The following JMJD1C variants were observed in gnomAD, a reference collection of about 807,000 sequenced individuals.
The protein encoded by JMJD1C is jumonji domain containing 1C.
Under a neutral mutation model 245.3 loss-of-function variants are expected in JMJD1C, and 31 were observed. That is an observed-to-expected ratio of 0.13 (90% CI 0.09 to 0.17). The LOEUF (loss-of-function observed/expected upper bound fraction) is 0.17, where lower values mean the gene tolerates loss of function less well. Among genes scored for constraint, JMJD1C ranks in the 10% least tolerant of loss-of-function variants. The pLI is 1.00. For missense variants in JMJD1C, 2,691 were observed against 3,000.2 expected (o/e 0.90, Z 2.41); for synonymous variants, 1,057 against 1,017.4 (o/e 1.04, Z -0.74).
chr10:63,456,496 T>C (rs1263062802), intron 1 of JMJD1C, among the ~76,000 whole-genome samples: 2 of 152,164 alleles, frequency 1.3e-5, no homozygotes, highest in East Asian at 1.9e-4. Flanking sequence ...AACATTAACA[T>C]ACTGCTTCCT....
intron 1 of JMJD1C, chr10:63,382,933 T>C (rs1401217585): frequency 8.8e-6 from 4 of 452,704 alleles, no homozygotes; most frequent in African/African-American, 2.0e-5. Context: ...ATTACTTTTT[T>C]TATAGCTTAC....
chr10:63,500,746 A>ATGGAAGGATGGATGGAT (rs1954524044), intron 1 of JMJD1C, among the ~76,000 whole-genome samples: 2 of 112,068 alleles, frequency 1.8e-5, no homozygotes, highest in Admixed American at 1.7e-4. Flanking sequence ...GATGGATGGA[A>ATGGAAGGATGGATGGAT]GGATGGATGG....
At chr10:63,249,444 ACAATT>A (rs1375382170) in intron 3 of JMJD1C, among the ~76,000 whole-genome samples, 2 of 152,238 alleles carry the variant, frequency 1.3e-5, no homozygotes, top group African/African-American at 4.8e-5. Flanking sequence ...ATATAAATAT[ACAATT>A]CAACAGAATA....
chr10:63,275,741 A>T (rs1856715523), intron 2 of JMJD1C, among the ~76,000 whole-genome samples: 1 of 152,210 alleles, frequency 6.6e-6, no homozygotes. Context: ...AAAATTTGTA[A>T]AATAAATGCA....
At chr10:63,461,694 G>T (rs781081444) in intron 1 of JMJD1C, among the ~76,000 whole-genome samples, 1 of 151,856 alleles carries the variant, frequency 6.6e-6, no homozygotes, top group Non-Finnish European at 1.5e-5. Flanking sequence ...ATTTTTTATT[G>T]TCCTTTTCTC....
chr10:63,465,664 G>C lies in JMJD1C; in HGVS notation c.-2C>G, dbSNP rs1953200179. 2.5e-6 allele frequency: 4 copies of C among 1,608,026 alleles called. No homozygotes were observed. Among genetic ancestry groups the C allele is most frequent in the East Asian group, 4.5e-5 (2 of 44,870 alleles). ...CTCTGCCCGCGTCTCTACCGCCATA[G>C]CTGTCGCTGCCGAAGCGGCCGCTGC... On this transcript the variant is annotated 5_prime_UTR_variant, in exon 1 of 26. Transcript: ENST00000399262.
upstream of JMJD1C, among the ~76,000 whole-genome samples, chr10:63,468,692 T>G (rs1315854006): frequency 6.6e-6 from 1 of 152,238 alleles, no homozygotes; most frequent in African/African-American, 2.4e-5. Context: ...CGTGTAAATA[T>G]GTCCATTAAA....
intron 1 of JMJD1C, among the ~76,000 whole-genome samples, chr10:63,412,252 T>C (rs926420098): frequency 1.3e-5 from 2 of 152,034 alleles, no homozygotes; most frequent in African/African-American, 2.4e-5. Flanking sequence ...AACAAATATT[T>C]TGTATGTCTA....
At chr10:63,465,996 G>GGCAGCGGCGGCGC, upstream of JMJD1C, 1 of 288,224 alleles carries the variant, frequency 3.5e-6, no homozygotes, top group Non-Finnish European at 6.5e-6. Flanking sequence ...TCCCTCCCCG[G>GGCAGCGGCGGCGC]GCAGCGGCGG....
At chr10:63,452,234 T>C (rs1564934308) in intron 1 of JMJD1C, among the ~76,000 whole-genome samples, 1 of 152,146 alleles carries the variant, frequency 6.6e-6, no homozygotes, top group Admixed American at 6.5e-5. Flanking sequence ...AGAACTCCTA[T>C]AACAAAGCAA....
chr10:63,375,185 T>TTTTG lies in JMJD1C; in HGVS notation c.333+5132_333+5133insCAAA, dbSNP rs1259486649. Among the ~76,000 whole-genome samples, 496 of 139,184 alleles carry TTTTG rather than the reference T, an allele frequency of 3.6e-3. 5 individuals are homozygous for TTTTG. The highest frequency in any genetic ancestry group is 0.011 in the Middle Eastern group (3 of 276). 91.3% of individuals were successfully genotyped at this position (139,184 alleles called of 152,430 possible). A position where few individuals can be genotyped will look rare whatever the true frequency, so the allele number is the denominator to read the frequency against. Reference sequence around the variant, plus strand: ...TGAAATCAACACATAAAAATTGGCTTTTTTTTTTTTTTTTTTTTTGAGGCA... The same window carrying TTTTG: ...TGAAATCAACACATAAAAATTGGCTTTTTGTTTTTTTTTTTTTTTTTTTGAGGCA... On this transcript the variant is annotated intron_variant, in intron 2 of 25. Transcript: ENST00000399262.
intron 2 of JMJD1C, among the ~76,000 whole-genome samples, chr10:63,324,350 CA>C (rs1024372885): frequency 2.6e-5 from 4 of 152,020 alleles, no homozygotes; most frequent in African/African-American, 9.7e-5. Flanking sequence ...AACCAAAAAT[CA>C]AACTCGTGTC....
intron 2 of JMJD1C, among the ~76,000 whole-genome samples, chr10:63,296,365 C>A (rs1025102828): frequency 6.6e-6 from 1 of 152,004 alleles, no homozygotes; most frequent in African/African-American, 2.4e-5. Context: ...TAACTCATGC[C>A]TAAATGAAAC....
Position 63,277,731 on chromosome 10 carries a change from C to CTTTTTTTT in JMJD1C, c.334-12975_334-12968dup, listed in dbSNP as rs35442695. 5.3e-3 allele frequency among the ~76,000 whole-genome samples: 342 copies of CTTTTTTTT among 64,266 alleles called. 35 individuals are homozygous for CTTTTTTTT. The highest frequency in any genetic ancestry group is 0.013 in the African/African-American group (184 of 14,160). 42.2% of individuals were successfully genotyped at this position (64,266 alleles called of 152,430 possible). ...TATTCATTGAGAGTAATTTGCATTT[C>CTTTTTTTT]TTTTTTTTTTTTTTTTTTTTTTTTG... On this transcript the variant is annotated intron_variant, in intron 2 of 25. Coordinates refer to ENST00000399262, the MANE Select transcript of JMJD1C (RefSeq NM_032776.3).
At chr10:63,403,568 T>C (rs950747729) in intron 1 of JMJD1C, among the ~76,000 whole-genome samples, 1 of 152,230 alleles carries the variant, frequency 6.6e-6, no homozygotes, top group African/African-American at 2.4e-5. Context: ...ACAAAAGGAC[T>C]TAACAAAGTA....
At chr10:63,412,310 A>G (rs1027275924) in intron 1 of JMJD1C, among the ~76,000 whole-genome samples, 22 of 152,052 alleles carry the variant, frequency 1.4e-4, no homozygotes, top group Non-Finnish European at 8.8e-5. Context: ...AGTTATTATG[A>G]GCAAGAGAAA....
intron 1 of JMJD1C, among the ~76,000 whole-genome samples, chr10:63,405,322 T>C (rs1370398508): frequency 6.8e-6 from 1 of 147,326 alleles, no homozygotes; most frequent in East Asian, 2.0e-4. Flanking sequence ...GTAGATTTTT[T>C]TTTTTTTTTT....
chr10:63,208,454 C>G lies in JMJD1C; in HGVS notation c.3215G>C (p.Arg1072Pro). 6.2e-7 allele frequency: 1 copy of G among 1,613,826 alleles called. No individual in the cohort carries two copies. Among genetic ancestry groups the G allele is most frequent in the Middle Eastern group, 1.6e-4 (1 of 6,062 alleles). Residue 1072 changes from arginine to proline, a missense_variant, in exon 10 of 26, where the codon CGC becomes CCC. Arg to Pro is a moderately radical substitution (Grantham distance 103). This residue lies in a region of JMJD1C where 1,562 missense variants were observed against 1,490.7 expected (regional missense o/e 1.05). Coordinates refer to ENST00000399262, the MANE Select transcript of JMJD1C (RefSeq NM_032776.3). ...HIIKQDMDVE[R>P]SVSDLYKMKH... is the part of the protein sequence containing the mutation. ...CATTTTATAAAGATCTGATACTGAG[C>G]GTTCTACATCCATATCTTGTTTGAT...
chr10:63,501,926 G>T (rs532255012), intron 1 of JMJD1C, among the ~76,000 whole-genome samples: 2 of 152,248 alleles, frequency 1.3e-5, no homozygotes, highest in East Asian at 1.9e-4. Flanking sequence ...AAGGAGGCAG[G>T]GACAGGGTAA....
Sources: gnomAD v4.1 joint callset for allele counts (sites outside exome capture counted in the v4.1 genomes callset) on GRCh38, gnomAD v4.1.1 for gene constraint, gnomAD v4.1.1 regional missense constraint, MANE v1.5 for transcripts, NCBI Gene and HGNC (gene_info 2026-07-23, HGNC 2026-07-21) for gene names.